The following MYO1B variants were observed in gnomAD, a reference collection of about 807,000 sequenced individuals.
MYO1B encodes unconventional myosin-Ib.
In MYO1B, 72 loss-of-function variants were observed where a neutral mutation model predicts 159.7. That is an observed-to-expected ratio of 0.45 (90% CI 0.37 to 0.55). The LOEUF (loss-of-function observed/expected upper bound fraction) is 0.55. Among genes scored for constraint, MYO1B ranks in the 20% least tolerant of loss-of-function variants. The probability of loss-of-function intolerance (pLI) is 0.00; values close to 1 mark genes in which losing one functional copy is unlikely to be tolerated. For synonymous variants in MYO1B, 468 were observed against 473.8 expected, an observed-to-expected ratio of 0.99 and a Z score of 0.16; for missense variants, 1,062 against 1,364.8, an observed-to-expected ratio of 0.78 and a Z score of 3.50.
At chr2:191,399,379 T>A (rs1696461241) in intron 21 of MYO1B, among the ~76,000 whole-genome samples, 1 of 152,096 alleles carries the variant, frequency 6.6e-6, no homozygotes, top group African/African-American at 2.4e-5. Flanking sequence ...ATAAATAAAG[T>A]TTTATTGGAA....
chr2:191,422,868 C>G (rs1227411530), intron 30 of MYO1B, among the ~76,000 whole-genome samples: 6 of 152,058 alleles, frequency 3.9e-5, no homozygotes, highest in African/African-American at 1.4e-4. Flanking sequence ...GGAAATATAA[C>G]CTGTTGGTCT....
intron 21 of MYO1B, among the ~76,000 whole-genome samples, chr2:191,397,816 G>A (rs1055876178): frequency 5.5e-5 from 8 of 145,260 alleles, no homozygotes; most frequent in Non-Finnish European, 1.1e-4. Context: ...CTGGCCGGGC[G>A]GGGGGCTGAC....
chr2:191,256,184 T>G (rs921758816), intron 1 of MYO1B, among the ~76,000 whole-genome samples: 2 of 152,194 alleles, frequency 1.3e-5, no homozygotes, highest in African/African-American at 4.8e-5. Context: ...TGAAAAGCTA[T>G]GTGGTGCAGT....
chr2:191,387,576 A>T (rs1695471515), intron 17 of MYO1B, 126 bp downstream of exon 17: 4 of 804,950 alleles, frequency 5.0e-6, no homozygotes, highest in Admixed American at 2.2e-5. Flanking sequence ...TACAGATTAA[A>T]TAATACCTTA....
chr2:191,400,921 T>A (rs1696573295), intron 23 of MYO1B, 86 bp downstream of exon 23: 2 of 1,263,702 alleles, frequency 1.6e-6, no homozygotes, highest in Middle Eastern at 1.9e-4. Flanking sequence ...GATGAATGAC[T>A]ACAATTAATA....
intron 7 of MYO1B, among the ~76,000 whole-genome samples, chr2:191,360,233 A>T (rs1445437123): frequency 2.6e-5 from 4 of 152,190 alleles, no homozygotes; most frequent in East Asian, 3.8e-4. Context: ...ACATAATAAG[A>T]TCTCAAAGTA....
intron 3 of MYO1B, among the ~76,000 whole-genome samples, chr2:191,299,932 A>G (rs894396413): frequency 2.0e-5 from 3 of 152,244 alleles, no homozygotes; most frequent in African/African-American, 7.2e-5. Flanking sequence ...AGCTATTTCT[A>G]TTAACAATGA....
chr2:191,380,173 T>A (rs552514979), intron 13 of MYO1B, among the ~76,000 whole-genome samples: 333 of 152,362 alleles, frequency 2.2e-3, no homozygotes, highest in Non-Finnish European at 4.1e-3. Context: ...CCTAGCTGAC[T>A]TCCAGGAAAG....
At chr2:191,249,277 G>A (rs1340991127) in intron 1 of MYO1B, among the ~76,000 whole-genome samples, 3 of 152,228 alleles carry the variant, frequency 2.0e-5, no homozygotes, top group Non-Finnish European at 4.4e-5. Context: ...TGGGACATCA[G>A]AATTGGAAAC....
At chr2:191,390,798 G>C (rs771860350) in intron 18 of MYO1B, among the ~76,000 whole-genome samples, 5 of 146,538 alleles carry the variant, frequency 3.4e-5, no homozygotes, top group Non-Finnish European at 7.4e-5. Flanking sequence ...TAGAATTAGA[G>C]ACAGGTTGGA....
At chr2:191,348,455 T>TA (rs1277788507) in intron 6 of MYO1B, among the ~76,000 whole-genome samples, 2 of 152,196 alleles carry the variant, frequency 1.3e-5, no homozygotes, top group East Asian at 3.8e-4. Flanking sequence ...GATCCCCTCT[T>TA]ACATGGTCAA....
chr2:191,374,205 C>T (rs1357192886), intron 13 of MYO1B, among the ~76,000 whole-genome samples: 1 of 152,126 alleles, frequency 6.6e-6, no homozygotes, highest in Non-Finnish European at 1.5e-5. Context: ...TAAAGTACTG[C>T]AAGTTGAAGT....
Position 191,424,892 on chromosome 2 carries a change from G to A in MYO1B, c.*932G>A, listed in dbSNP as rs116021435. 1.7e-3 allele frequency: 256 copies of A among 152,690 alleles called. 1 individual carries two copies. Among genetic ancestry groups the A allele is most frequent in the African/African-American group, 5.7e-3 (239 of 41,566 alleles). 9.5% of individuals were successfully genotyped at this position (152,690 alleles called of 1,614,324 possible). ...ATAGCAGTAAAACATTCTGTATGAT[G>A]TGCAATAAAACATCCAAGATCTTTT... On this transcript the variant is annotated 3_prime_UTR_variant, in exon 31 of 31. Transcript: ENST00000392318.
At chr2:191,419,345 A>G (rs898742606) in intron 30 of MYO1B, among the ~76,000 whole-genome samples, 1 of 151,794 alleles carries the variant, frequency 6.6e-6, no homozygotes, top group Non-Finnish European at 1.5e-5. Flanking sequence ...CAGCCTCCCG[A>G]GTAGCTGGGA....
intron 30 of MYO1B, among the ~76,000 whole-genome samples, chr2:191,421,388 C>T (rs1697931295): frequency 6.6e-6 from 1 of 151,702 alleles, no homozygotes; most frequent in East Asian, 2.0e-4. Context: ...GAATATTAAT[C>T]AGGAATTATA....
At chr2:191,391,927 G>T (rs1695778260) in intron 18 of MYO1B, among the ~76,000 whole-genome samples, 181 bp from the exon 19 acceptor site, 2 of 152,078 alleles carry the variant, frequency 1.3e-5, no homozygotes, top group African/African-American at 4.8e-5. Flanking sequence ...TACTTTTTCA[G>T]TGTTTACTGG....
intron 1 of MYO1B, chr2:191,245,862 G>A (rs1444209164): frequency 6.6e-6 from 1 of 151,374 alleles, no homozygotes; most frequent in Non-Finnish European, 1.5e-5. Context: ...GGGGTGGCGG[G>A]AGGGAAGAAG....
In MYO1B at chr2:191,363,856, C is replaced by G. The variant is rs941573903; in HGVS notation, c.894C>G (p.Ser298Arg). 2 of 1,613,306 alleles carry G rather than the reference C, an allele frequency of 1.2e-6. No individual in the cohort carries two copies. The highest frequency in any genetic ancestry group is 1.7e-6 in the Non-Finnish European group (2 of 1,179,820). The change falls in exon 10 of 31, where the codon AGC (serine) becomes AGG (arginine). Residue 298 changes from serine (S) to arginine (R), a missense_variant. This residue lies in a region of MYO1B where 415 missense variants were observed against 544.0 expected (regional missense o/e 0.76). Transcript: ENST00000392318. ...CTCGAGTGAATGGTCTAGATGAAAG[C>G]AAAATCAAAGATAAAAATGGTACAT... Reference protein sequence around the residue: ...PESRVNGLDESKIKDKNELKE... With the variant: ...PESRVNGLDERKIKDKNELKE...
intron 3 of MYO1B, among the ~76,000 whole-genome samples, chr2:191,321,687 C>T (rs1170629842): frequency 1.3e-5 from 2 of 152,166 alleles, no homozygotes; most frequent in African/African-American, 4.8e-5. Flanking sequence ...CTTGCATATG[C>T]GTTGGGGTTC....
Sources: gnomAD v4.1 joint callset for allele counts (sites outside exome capture counted in the v4.1 genomes callset) on GRCh38, gnomAD v4.1.1 for gene constraint, gnomAD v4.1.1 regional missense constraint, MANE v1.5 for transcripts, NCBI Gene and HGNC (gene_info 2026-07-23, HGNC 2026-07-21) for gene names.